The following ANKRD31 variants were observed in gnomAD, a reference collection of about 807,000 sequenced individuals.
ANKRD31 encodes ankyrin repeat domain-containing protein 31.
In ANKRD31, 147 loss-of-function variants were observed where a neutral mutation model predicts 186.0. That is an observed-to-expected ratio of 0.79 (90% CI 0.69 to 0.91). The LOEUF is 0.91. Among genes scored for constraint, ANKRD31 ranks in the 40% least tolerant of loss-of-function variants. The pLI is 0.00. For missense variants in ANKRD31, 1,986 were observed against 2,148.8 expected (o/e 0.92, Z 1.50); for synonymous variants, 673 against 736.4 (o/e 0.91, Z 1.39).
intron 2 of ANKRD31, among the ~76,000 whole-genome samples, chr5:75,227,596 A>C (rs1204481228): frequency 2.0e-5 from 3 of 152,082 alleles, no homozygotes; most frequent in Non-Finnish European, 2.9e-5. Flanking sequence ...CTGCTACTTG[A>C]CTCCGTAACT....
chr5:75,127,517 C>T (rs943284561), intron 17 of ANKRD31, among the ~76,000 whole-genome samples: 1 of 152,176 alleles, frequency 6.6e-6, no homozygotes, highest in Non-Finnish European at 1.5e-5. Context: ...TAGTAACATA[C>T]TGTCTTGATT....
At chr5:75,175,950 G>C (rs1753762798) in intron 10 of ANKRD31, among the ~76,000 whole-genome samples, 1 of 152,140 alleles carries the variant, frequency 6.6e-6, no homozygotes. Context: ...CCACACCCGG[G>C]AAGCGCAAGG....
rs549652521 is a variant in ANKRD31 at position 75,151,718 on chromosome 5, G to T, written c.1852+2483C>A. ...TTTAAAACCATTTAGATCGGGAAAA[G>T]ATCTTTTCTAATAGACTTATCAAAG... is the stretch of plus-strand genomic sequence containing the variant. On this transcript the variant is annotated intron_variant, in intron 12 of 25. Transcript: ENST00000506364. Among the ~76,000 whole-genome samples, 14 of 152,090 alleles carry T rather than the reference G, an allele frequency of 9.2e-5. No individual in the cohort carries two copies. In the South Asian group the frequency reaches 2.9e-3, roughly 32 times the overall value.
chr5:75,137,741 T>A (rs1203660628), intron 17 of ANKRD31, 115 bp downstream of exon 17: 4 of 1,022,142 alleles, frequency 3.9e-6, no homozygotes, highest in Non-Finnish European at 5.2e-6. Flanking sequence ...AAGCAGGTTT[T>A]AAAAAAATCA....
At chr5:75,190,607 ATG>A (rs57136126) in intron 9 of ANKRD31, among the ~76,000 whole-genome samples, 67,853 of 147,632 alleles carry the variant, frequency 0.46, 16,777 homozygotes, top group African/African-American at 0.7. Context: ...GTGCTTATAT[ATG>A]TGTGTGTGTG....
chr5:75,084,981 A>T (rs941779848), intron 23 of ANKRD31, among the ~76,000 whole-genome samples: 1 of 152,144 alleles, frequency 6.6e-6, no homozygotes, highest in African/African-American at 2.4e-5. Flanking sequence ...AGAACTGGTA[A>T]ATTCTGCCAG....
chr5:75,116,985 G>C (rs1290421305), intron 18 of ANKRD31, among the ~76,000 whole-genome samples: 1 of 152,150 alleles, frequency 6.6e-6, no homozygotes, highest in African/African-American at 2.4e-5. Context: ...AGGGGTTCAA[G>C]AAGTTGCCCA....
At chr5:75,091,896 C>T (rs1389877273) in intron 22 of ANKRD31, among the ~76,000 whole-genome samples, 3 of 152,192 alleles carry the variant, frequency 2.0e-5, no homozygotes, top group East Asian at 1.9e-4. Flanking sequence ...CACGGCACCA[C>T]GGAGAATGCT....
In ANKRD31 at chr5:75,098,858, C is replaced by A. The variant is rs552542283; in HGVS notation, c.5331+5370G>T. ...TGAGATGATGGGTTTTCTAAATATA[C>A]AATCATGTCATCTGCAAACAGGGAC... On this transcript the variant is annotated intron_variant, in intron 22 of 25. Coordinates refer to ENST00000506364, the MANE Select transcript of ANKRD31 (RefSeq NM_001372053.1). Among the ~76,000 whole-genome samples, 9 of 152,278 alleles carry A rather than the reference C, an allele frequency of 5.9e-5. 1 individual carries two copies. The South Asian group carries it at 1.7e-3, about 28-fold the overall frequency.
intron 4 of ANKRD31, 109 bp from the exon 5 acceptor site, chr5:75,206,596 G>T: frequency 2.1e-6 from 1 of 472,872 alleles, no homozygotes; most frequent in Non-Finnish European, 3.2e-6. Flanking sequence ...TTCCAAATAG[G>T]ATAATTTTTT....
chr5:75,130,389 C>G (rs1749684348), intron 17 of ANKRD31, among the ~76,000 whole-genome samples: 1 of 152,204 alleles, frequency 6.6e-6, no homozygotes. Context: ...GTTGCTGGCT[C>G]TGGTGGCCTG....
chr5:75,088,839 A>G (rs1745710911), intron 23 of ANKRD31, among the ~76,000 whole-genome samples: 1 of 152,220 alleles, frequency 6.6e-6, no homozygotes, highest in African/African-American at 2.4e-5. Flanking sequence ...TTATAAATCA[A>G]ACAGTGCTAT....
At chr5:75,156,630 A>C (rs865910388) in intron 11 of ANKRD31, among the ~76,000 whole-genome samples, 1 of 152,344 alleles carries the variant, frequency 6.6e-6, no homozygotes, top group Middle Eastern at 3.4e-3. Flanking sequence ...TATCTCAGTG[A>C]GCCTTAAATA....
At chr5:75,101,342 G>C (rs941527570) in intron 22 of ANKRD31, among the ~76,000 whole-genome samples, 11 of 152,060 alleles carry the variant, frequency 7.2e-5, no homozygotes, top group East Asian at 5.8e-4. Context: ...ACCTTTCTCT[G>C]TGGCTGCCCT....
At chr5:75,227,318 G>A (rs1259882745) in intron 2 of ANKRD31, among the ~76,000 whole-genome samples, 1 of 151,930 alleles carries the variant, frequency 6.6e-6, no homozygotes, top group East Asian at 1.9e-4. Context: ...GATGGTTAAT[G>A]GGCACAAAAA....
At chr5:75,149,597 A>G (rs1440719773) in intron 12 of ANKRD31, among the ~76,000 whole-genome samples, 1 of 151,922 alleles carries the variant, frequency 6.6e-6, no homozygotes, top group Non-Finnish European at 1.5e-5. Flanking sequence ...CCAGAGTTTC[A>G]GTCTTGATTC....
At position 75,139,003 on chromosome 5, in the gene ANKRD31, G is replaced by A; in HGVS notation, c.3596-20C>T. The A allele has an allele frequency of 6.5e-7, 1 of 1,535,098 alleles. No homozygotes were observed. Among genetic ancestry groups the A allele is most frequent in the Non-Finnish European group, 8.7e-7 (1 of 1,145,890 alleles). ...TCATTCCTGTAAATTTGCCAAACAAGAGGTTTATTTTCTGCCAAATGCTGA... is the reference window on the plus strand; with the variant it reads ...TCATTCCTGTAAATTTGCCAAACAAAAGGTTTATTTTCTGCCAAATGCTGA... On this transcript the variant is annotated intron_variant, in intron 15 of 25. Transcript: ENST00000506364.
rs1044773022 is a variant in ANKRD31 at position 75,206,449 on chromosome 5, C to T, written c.365G>A (p.Arg122His). Residue 122 changes from arginine to histidine, a missense_variant, in exon 5 of 26, where the codon CGC (arginine) becomes CAC (histidine). Coordinates refer to ENST00000506364, the MANE Select transcript of ANKRD31 (RefSeq NM_001372053.1). ...GTGGTTCAATGAAAGTCCAGACTGG[C>T]GAAACGACCCAATGAACATTGAACA... ...KNCSMFIGSFRQSGLSLNHQN... is the reference protein window; with the variant it reads ...KNCSMFIGSFHQSGLSLNHQN... The T allele has an allele frequency of 1.0e-5, 15 of 1,478,770 alleles. No individual in the cohort carries two copies. The highest frequency in any genetic ancestry group is 5.6e-5 in the African/African-American group (4 of 70,826). 91.6% of individuals were successfully genotyped at this position (1,478,770 alleles called of 1,614,324 possible).
rs781780364 is a variant in ANKRD31 at position 75,112,637 on chromosome 5, G to A, written c.4156-37C>T. The A allele has an allele frequency of 1.3e-5, 17 of 1,288,958 alleles. 1 individual carries two copies. In the South Asian group the frequency reaches 2.1e-4, roughly 16 times the overall value. The allele number at this position is 1,288,958 out of a possible 1,614,324, so 79.8% of individuals were successfully genotyped here. On this transcript the variant is annotated intron_variant, in intron 19 of 25. Coordinates refer to ENST00000506364, the MANE Select transcript of ANKRD31 (RefSeq NM_001372053.1). ...AAATATTTGAAACTTCATTATAAAG[G>A]GGTAGATATGCTCTCTGATATGCCA...
Sources: gnomAD v4.1 joint callset for allele counts (sites outside exome capture counted in the v4.1 genomes callset) on GRCh38, gnomAD v4.1.1 for gene constraint, MANE v1.5 for transcripts, NCBI Gene and HGNC (gene_info 2026-07-23, HGNC 2026-07-21) for gene names.